The following COL22A1 variants were observed in gnomAD, a reference collection of about 807,000 sequenced individuals.
COL22A1 encodes collagen type XXII alpha 1 chain.
In COL22A1, 221 loss-of-function variants were observed where a neutral mutation model predicts 248.9. The ratio of observed to expected loss-of-function variants is 0.89; its 90% confidence interval spans 0.80 to 0.99. The LOEUF is 0.99. Ranked by LOEUF, COL22A1 falls within the 50% of genes least tolerant of loss-of-function variation. COL22A1 has a pLI of 0.00. For missense variants in COL22A1, 2,240 were observed against 2,179.0 expected, an observed-to-expected ratio of 1.03 and a Z score of -0.56; for synonymous variants, 891 against 793.4, an observed-to-expected ratio of 1.12 and a Z score of -2.07.
At chr8:138,695,040 C>T (rs1827397344) in intron 32 of COL22A1, among the ~76,000 whole-genome samples, 161 bp from the exon 33 acceptor site, 1 of 152,152 alleles carries the variant, frequency 6.6e-6, no homozygotes. Context: ...GGGGGTTCTT[C>T]CCTCCTACTC....
chr8:138,757,570 T>G (rs1182788878), intron 18 of COL22A1, among the ~76,000 whole-genome samples: 1 of 152,194 alleles, frequency 6.6e-6, no homozygotes, highest in Non-Finnish European at 1.5e-5. Context: ...TCCAACAAAT[T>G]TGGTAGGAAA....
At chr8:138,636,687 G>C in intron 48 of COL22A1, 55 bp downstream of exon 48, 1 of 1,308,540 alleles carries the variant, frequency 7.6e-7, no homozygotes, top group Non-Finnish European at 1.1e-6. Flanking sequence ...AGCCACCTGG[G>C]AGAAACAGTG....
chr8:138,635,033 G>C lies in COL22A1; in HGVS notation c.3586C>G (p.Pro1196Ala). The C allele has an allele frequency of 6.2e-7, 1 of 1,609,514 alleles. No homozygotes were observed. Among genetic ancestry groups the C allele is most frequent in the Non-Finnish European group, 8.5e-7 (1 of 1,177,044 alleles). Reference sequence around the variant, plus strand: ...ACTGGTGGCCCAGGGTTCCCTGGGGGCCCCATGAAACCTGGAACTCCAGGA... The same window carrying C: ...ACTGGTGGCCCAGGGTTCCCTGGGGCCCCCATGAAACCTGGAACTCCAGGA... ...GHPGVPGFMG[P>A]PGNPGPPGAD... The change falls in exon 49 of 65, where the codon CCC (proline) becomes GCC (alanine). Residue 1196 changes from proline to alanine, a missense_variant. By Grantham distance (27) the Pro-to-Ala change is conservative. Transcript: ENST00000303045.
At chr8:138,731,120 G>A (rs1830675000) in intron 23 of COL22A1, among the ~76,000 whole-genome samples, 1 of 152,046 alleles carries the variant, frequency 6.6e-6, no homozygotes, top group Admixed American at 6.6e-5. Flanking sequence ...TGGCCAACAT[G>A]GAGAAACCCC....
At chr8:138,811,649 A>G (rs1056894265) in intron 9 of COL22A1, 150 bp downstream of exon 9, 1 of 862,992 alleles carries the variant, frequency 1.2e-6, no homozygotes, top group African/African-American at 1.7e-5. Flanking sequence ...ACAAGAAGCA[A>G]GAGGTCCAAG....
chr8:138,846,091 G>C (rs566555793), intron 3 of COL22A1, among the ~76,000 whole-genome samples: 48 of 152,168 alleles, frequency 3.2e-4, no homozygotes, highest in African/African-American at 1.2e-3. Flanking sequence ...TCATGGAAGG[G>C]GTTATTTTGG....
At chr8:138,710,612 T>C (rs1029266996) in intron 30 of COL22A1, among the ~76,000 whole-genome samples, 1 of 140,076 alleles carries the variant, frequency 7.1e-6, no homozygotes, top group South Asian at 2.2e-4. Context: ...TCTATCTATA[T>C]ATATATATCT....
intron 11 of COL22A1, among the ~76,000 whole-genome samples, chr8:138,800,178 T>C (rs960210548): frequency 3.3e-5 from 5 of 152,170 alleles, no homozygotes; most frequent in African/African-American, 1.2e-4. Context: ...AGCCTCTGCT[T>C]TTCTCAGCTT....
chr8:138,805,313 G>C (rs1209174849), intron 10 of COL22A1, among the ~76,000 whole-genome samples: 1 of 144,728 alleles, frequency 6.9e-6, no homozygotes, highest in Non-Finnish European at 1.5e-5. Context: ...ATGGTGTTTG[G>C]TGTGTGTGTG....
intron 59 of COL22A1, among the ~76,000 whole-genome samples, chr8:138,604,058 T>C (rs1818245761): frequency 2.0e-5 from 3 of 152,062 alleles, no homozygotes; most frequent in Middle Eastern, 3.2e-3. Flanking sequence ...TCAAGGAAAG[T>C]TGGCAAAGGC....
intron 5 of COL22A1, among the ~76,000 whole-genome samples, chr8:138,829,839 AT>A (rs1819893979): frequency 6.6e-6 from 1 of 152,188 alleles, no homozygotes; most frequent in African/African-American, 2.4e-5. Flanking sequence ...CAAGTGTATC[AT>A]AAGAAAAAGT....
chr8:138,777,600 T>C (rs916522393), intron 15 of COL22A1, among the ~76,000 whole-genome samples: 2 of 152,192 alleles, frequency 1.3e-5, no homozygotes, highest in African/African-American at 4.8e-5. Flanking sequence ...CTCCCACTTA[T>C]GAGTGAGAAC....
chr8:138,608,627 G>A (rs559948211), intron 56 of COL22A1, among the ~76,000 whole-genome samples: 10 of 152,200 alleles, frequency 6.6e-5, no homozygotes, highest in South Asian at 6.2e-4. Context: ...TCATAGTTTC[G>A]GTGAATACAT....
At chr8:138,598,580 A>G (rs1817735803) in intron 61 of COL22A1, 139 bp downstream of exon 61, 1 of 758,272 alleles carries the variant, frequency 1.3e-6, no homozygotes, top group Admixed American at 2.9e-5. Flanking sequence ...AGAGAGGAAA[A>G]GTAGCCTGCC....
At chr8:138,836,212 A>G (rs1002167350) in intron 4 of COL22A1, among the ~76,000 whole-genome samples, 16 of 152,184 alleles carry the variant, frequency 1.1e-4, no homozygotes, top group African/African-American at 3.4e-4. Flanking sequence ...CAGAGGTTGC[A>G]GTGAGCCTAG....
chr8:138,799,101 C>T (rs1816793382), intron 11 of COL22A1, among the ~76,000 whole-genome samples: 1 of 151,950 alleles, frequency 6.6e-6, no homozygotes, highest in South Asian at 2.1e-4. Context: ...TCTTTTGAGC[C>T]CCTCTAGTTT....
At chr8:138,624,362 T>C (rs955446939) in intron 51 of COL22A1, among the ~76,000 whole-genome samples, 6 of 151,922 alleles carry the variant, frequency 3.9e-5, no homozygotes, top group South Asian at 2.1e-4. Flanking sequence ...AAAGCTGGGG[T>C]CGTTCACAAG....
chr8:138,672,357 G>A (rs1307292300), intron 41 of COL22A1, among the ~76,000 whole-genome samples: 3 of 152,094 alleles, frequency 2.0e-5, no homozygotes, highest in Non-Finnish European at 4.4e-5. Flanking sequence ...GTTGGCTGTG[G>A]TTGCCATTAC....
In COL22A1 at chr8:138,877,909, G is replaced by T. The variant is rs748325138; in HGVS notation, c.499C>A (p.Arg167Ser). Residue 167 changes from arginine (R) to serine (S), a missense_variant, in exon 3 of 65, where the codon CGC (arginine) becomes AGC (serine). Physicochemically the swap from Arg to Ser is moderately radical, Grantham distance 110 (BLOSUM62 -1). Coordinates refer to ENST00000303045, the MANE Select transcript of COL22A1 (RefSeq NM_152888.3). ...ACGGCAAAGATGCGGATGCCAGCGC[G>T]GTGGGCTGCCGCCGCGGCGTCCAGC... is the stretch of plus-strand genomic sequence containing the variant. ...LVLDAAAAAH[R>S]AGIRIFAVGV... The T allele has an allele frequency of 1.9e-6, 3 of 1,609,836 alleles. No individual in the cohort carries two copies. In the African/African-American group the frequency reaches 4.0e-5, roughly 21 times the overall value.
Sources: gnomAD v4.1 joint callset for allele counts (sites outside exome capture counted in the v4.1 genomes callset) on GRCh38, gnomAD v4.1.1 for gene constraint, MANE v1.5 for transcripts, NCBI Gene and HGNC (gene_info 2026-07-23, HGNC 2026-07-21) for gene names.